Variants in DIP2C observed in about 807,000 individuals in gnomAD.
DIP2C encodes the protein disco-interacting protein 2 homolog C.
In DIP2C, 33 loss-of-function variants were observed where a neutral mutation model predicts 192.4. The ratio of observed to expected loss-of-function variants is 0.17; its 90% CI spans 0.13 to 0.23. DIP2C has a LOEUF of 0.23. Ranked by LOEUF, DIP2C falls within the 10% of genes least tolerant of loss-of-function variation. DIP2C has a pLI of 1.00. For synonymous variants in DIP2C, 979 were observed against 864.1 expected, an observed-to-expected ratio of 1.13 and a Z score of -2.33; for missense variants, 1,537 against 2,110.1, an observed-to-expected ratio of 0.73 and a Z score of 5.32.
At chr10:386,592 G>A (rs1348909235) in intron 14 of DIP2C, among the ~76,000 whole-genome samples, 2 of 152,180 alleles carry the variant, frequency 1.3e-5, no homozygotes, top group East Asian at 1.9e-4. Context: ...CTTGAGAGAC[G>A]ACCTGTGTGT....
intron 1 of DIP2C, among the ~76,000 whole-genome samples, chr10:613,973 C>T (rs1853271570): frequency 6.6e-6 from 1 of 152,154 alleles, no homozygotes; most frequent in African/African-American, 2.4e-5. Flanking sequence ...TCAGGGATAC[C>T]CACATACAGG....
chr10:494,128 A>T lies in DIP2C; in HGVS notation c.86-7598T>A, dbSNP rs185520858. 1.8e-3 allele frequency among the ~76,000 whole-genome samples: 277 copies of T among 152,360 alleles called. 2 individuals carry two copies. The highest frequency in any genetic ancestry group is 3.1e-3 in the Non-Finnish European group (212 of 68,040). On this transcript the variant is annotated intron_variant, in intron 1 of 36. Coordinates refer to ENST00000280886, the MANE Select transcript of DIP2C (RefSeq NM_014974.3). ...TGGGCCACAGGGGATGGTCATGAAC[A>T]CACACTATGTGACCCCCTTCTTCAT...
chr10:434,173 T>C lies in DIP2C; in HGVS notation c.394+6698A>G, dbSNP rs533130744. Among the ~76,000 whole-genome samples, 33 of 152,380 alleles carry C rather than the reference T, an allele frequency of 2.2e-4. No individual in the cohort carries two copies. In the South Asian group the frequency reaches 2.3e-3, roughly 11 times the overall value. ...TACATTTAACTGTGTGTATATGGTA[T>C]ATACATAAGCATATAATCAAATACA... is the stretch of plus-strand genomic sequence containing the variant. On this transcript the variant is annotated intron_variant, in intron 4 of 36. Coordinates refer to ENST00000280886, the MANE Select transcript of DIP2C (RefSeq NM_014974.3).
At chr10:366,127 A>C (rs1960169619) in intron 19 of DIP2C, 148 bp downstream of exon 19, 1 of 1,140,164 alleles carries the variant, frequency 8.8e-7, no homozygotes, top group African/African-American at 1.6e-5. Flanking sequence ...AAGCGATAAA[A>C]AGTGGTAAAG....
At chr10:460,967 G>A (rs955754859) in intron 3 of DIP2C, among the ~76,000 whole-genome samples, 11 of 152,108 alleles carry the variant, frequency 7.2e-5, no homozygotes, top group East Asian at 1.9e-4. Context: ...GTAAGTGAAG[G>A]AGAAATATAA....
intron 29 of DIP2C, among the ~76,000 whole-genome samples, chr10:339,474 T>TA (rs3839931): frequency 0.1 from 15,149 of 152,226 alleles, 830 homozygotes; most frequent in Middle Eastern, 0.17. Context: ...ACGGAGAACT[T>TA]ACTTTCCCTG....
chr10:622,579 A>C (rs760891629), intron 1 of DIP2C, among the ~76,000 whole-genome samples: 2 of 152,154 alleles, frequency 1.3e-5, no homozygotes, highest in African/African-American at 2.4e-5. Flanking sequence ...TTCATAGTTG[A>C]TATCAGGGAC....
chr10:608,387 A>C (rs1339944048), intron 1 of DIP2C, among the ~76,000 whole-genome samples: 1 of 436 alleles, frequency 2.3e-3, no homozygotes, highest in Non-Finnish European at 3.9e-3. Context: ...ACAGCCCCCC[A>C]CACACACACC....
At chr10:471,035 G>C (rs774071758) in intron 3 of DIP2C, among the ~76,000 whole-genome samples, 8 of 152,110 alleles carry the variant, frequency 5.3e-5, no homozygotes, top group Non-Finnish European at 1.5e-5. Flanking sequence ...AGGGGCCTCC[G>C]AGACACCCAC....
chr10:532,743 G>A (rs1220473616), intron 1 of DIP2C, among the ~76,000 whole-genome samples: 2 of 132,370 alleles, frequency 1.5e-5, no homozygotes, highest in Non-Finnish European at 3.5e-5. Context: ...GGGTGTGAGA[G>A]AGAGTATGGG....
chr10:475,427 A>G (rs1271185183), intron 2 of DIP2C, among the ~76,000 whole-genome samples: 1 of 152,114 alleles, frequency 6.6e-6, no homozygotes, highest in Non-Finnish European at 1.5e-5. Flanking sequence ...TTTCACCTTC[A>G]ATCTCAGTAC....
intron 3 of DIP2C, among the ~76,000 whole-genome samples, chr10:471,405 C>G (rs751928999): frequency 2.6e-5 from 4 of 152,138 alleles, no homozygotes; most frequent in Non-Finnish European, 5.9e-5. Flanking sequence ...CAGGCTTCCT[C>G]GACCACCAGG....
intron 1 of DIP2C, among the ~76,000 whole-genome samples, chr10:559,857 C>T (rs770573640): frequency 1.4e-4 from 22 of 152,188 alleles, no homozygotes; most frequent in Non-Finnish European, 2.9e-4. Flanking sequence ...CCAGCCACAC[C>T]GGGTGAGACA....
intron 1 of DIP2C, among the ~76,000 whole-genome samples, chr10:581,133 T>C (rs545392267): frequency 6.6e-6 from 1 of 152,282 alleles, no homozygotes; most frequent in Non-Finnish European, 1.5e-5. Context: ...AACACCAAAG[T>C]AGGATTCCCC....
chr10:562,754 T>TA (rs1849286617), intron 1 of DIP2C, among the ~76,000 whole-genome samples: 4 of 152,292 alleles, frequency 2.6e-5, no homozygotes, highest in African/African-American at 9.6e-5. Context: ...ATTTAACCAA[T>TA]AAATGGTCTA....
rs1239340365 is a variant in DIP2C, at chr10:277,296, GA to G, written c.*28del. On this transcript the variant is annotated 3_prime_UTR_variant, in exon 37 of 37. Transcript: ENST00000280886. Reference sequence around the variant, plus strand: ...ACGGAGAACAATGTCTACATCTCTAGAAAAGTCCATGGAAGCCAAGAGACGA... The same window carrying G: ...ACGGAGAACAATGTCTACATCTCTAGAAAGTCCATGGAAGCCAAGAGACGA... 1 of 1,610,478 alleles carries G rather than the reference GA, an allele frequency of 6.2e-7. No homozygotes were observed. Among genetic ancestry groups the G allele is most frequent in the Non-Finnish European group, 8.5e-7 (1 of 1,178,916 alleles).
chr10:522,844 C>T (rs929968842), intron 1 of DIP2C, among the ~76,000 whole-genome samples: 4 of 152,242 alleles, frequency 2.6e-5, no homozygotes, highest in African/African-American at 9.6e-5. Context: ...CTCGTTTCTA[C>T]CTGACGCAAA....
chr10:634,772 AAG>A (rs1468950049), intron 1 of DIP2C, among the ~76,000 whole-genome samples: 15 of 151,456 alleles, frequency 9.9e-5, no homozygotes, highest in Admixed American at 9.9e-4. Context: ...AAAAAAGAAA[AAG>A]AAAAAGAAAA....
chr10:277,025 C>T lies in DIP2C; in HGVS notation c.*300G>A. On this transcript the variant is annotated 3_prime_UTR_variant, in exon 37 of 37. Coordinates refer to ENST00000280886, the MANE Select transcript of DIP2C (RefSeq NM_014974.3). Reference sequence around the variant, plus strand: ...AAATACCACATTTACGAAGAAAGCACTTATTATCCAATAATTAAAAAAGAA... The same window carrying T: ...AAATACCACATTTACGAAGAAAGCATTTATTATCCAATAATTAAAAAAGAA... 3.2e-6 allele frequency: 1 copy of T among 313,868 alleles called. No individual in the cohort carries two copies. The highest frequency in any genetic ancestry group is 5.9e-6 in the Non-Finnish European group (1 of 169,938). 19.4% of individuals were successfully genotyped at this position (313,868 alleles called of 1,614,324 possible). A position where few individuals can be genotyped will look rare whatever the true frequency, so the allele number is the denominator to read the frequency against.
Sources: allele counts gnomAD v4.1 joint callset (sites outside exome capture counted in the v4.1 genomes callset), GRCh38; gene constraint gnomAD v4.1.1; transcripts MANE v1.5; gene names NCBI Gene and HGNC (gene_info 2026-07-23, HGNC 2026-07-21).